Variants in RIMBP2 observed in about 807,000 individuals in gnomAD.
RIMBP2 encodes RIMS binding protein 2.
RIMBP2 carries 48 observed loss-of-function variants against 118.6 expected under a neutral mutation model. The observed-to-expected ratio is 0.40, with a 90% confidence interval of 0.32 to 0.51. The LOEUF is 0.51. Among genes scored for constraint, RIMBP2 ranks in the 20% least tolerant of loss-of-function variants. The pLI is 0.41. For synonymous variants in RIMBP2, 762 were observed against 742.9 expected (o/e 1.03, Z -0.42); for missense variants, 1,551 against 1,768.3 (o/e 0.88, Z 2.20).
intron 6 of RIMBP2, among the ~76,000 whole-genome samples, chr12:130,459,492 A>G (rs2079783169): frequency 6.6e-6 from 1 of 152,158 alleles, no homozygotes; most frequent in African/African-American, 2.4e-5. Context: ...TTACTTCAAA[A>G]TAAAGTTTTC....
In RIMBP2 at chr12:130,646,335, C is replaced by T. The variant is rs374365289; in HGVS notation, c.-351-17879G>A. Among the ~76,000 whole-genome samples the T allele has an allele frequency of 3.1e-4, 35 of 111,468 alleles. 10 individuals are homozygous for T. Among genetic ancestry groups the T allele is most frequent in the African/African-American group, 4.8e-4 (14 of 29,268 alleles). 73.1% of individuals were successfully genotyped at this position (111,468 alleles called of 152,430 possible). On this transcript the variant is annotated intron_variant, in intron 1 of 22. Transcript: ENST00000690449. ...ACCACTTCCCTCTCCACCTGCCTCA[C>T]CACCTCCCTCACCACCTCCCTCACC...
chr12:130,538,987 C>G lies in RIMBP2; in HGVS notation c.-216-21070G>C, dbSNP rs551739290. Reference sequence around the variant, plus strand: ...GTAAAACTGCAGGGCATGTCCACGGCTCTGCAGAGCTCCTGGGGCTGTCGA... The same window carrying G: ...GTAAAACTGCAGGGCATGTCCACGGGTCTGCAGAGCTCCTGGGGCTGTCGA... On this transcript the variant is annotated intron_variant, in intron 2 of 22. Coordinates refer to ENST00000690449, the MANE Select transcript of RIMBP2 (RefSeq NM_001393629.1). Among the ~76,000 whole-genome samples the G allele has an allele frequency of 9.9e-5, 15 of 152,278 alleles. No homozygotes were observed. In the South Asian group the frequency reaches 2.9e-3, roughly 29 times the overall value.
In RIMBP2 at chr12:130,423,753, G is replaced by GA. The variant is rs201784253; in HGVS notation, c.3129+388dup. On this transcript the variant is annotated intron_variant, in intron 16 of 22. Transcript: ENST00000690449. ...ATGAAAAAAACTCCAAAATAACAAG[G>GA]AAAAAAAACCCTCGACAATACTAGT... Among the ~76,000 whole-genome samples the GA allele has an allele frequency of 2.8e-3, 384 of 139,314 alleles. 1 individual carries two copies. The highest frequency in any genetic ancestry group is 9.4e-3 in the African/African-American group (346 of 36,902). 91.4% of individuals were successfully genotyped at this position (139,314 alleles called of 152,430 possible). A position where few individuals can be genotyped will look rare whatever the true frequency, so the allele number is the denominator to read the frequency against.
chr12:130,692,847 G>GGGATA (rs1316355134), intron 1 of RIMBP2, among the ~76,000 whole-genome samples: 12 of 104,626 alleles, frequency 1.1e-4, no homozygotes, highest in Non-Finnish European at 2.2e-4. Flanking sequence ...GGGATGGGAT[G>GGGATA]GGATAGGGTA....
At chr12:130,487,154 T>G (rs1748816978) in intron 4 of RIMBP2, among the ~76,000 whole-genome samples, 1 of 152,176 alleles carries the variant, frequency 6.6e-6, no homozygotes, top group African/African-American at 2.4e-5. Flanking sequence ...CATCCCCAAC[T>G]CCAGGTCTTA....
chr12:130,703,972 G>A lies in RIMBP2; in HGVS notation c.-352+12250C>T, dbSNP rs2065980675. ...ACACACCACCTTCCTGCTACTTTAG[G>A]GACATCAGCAAAGTCTCCCTTAAAT... On this transcript the variant is annotated intron_variant, in intron 1 of 22. Coordinates refer to ENST00000690449, the MANE Select transcript of RIMBP2 (RefSeq NM_001393629.1). The surrounding 1 kb of genome is among the most constrained non-coding windows in gnomAD (Gnocchi z 5.7). 1.3e-5 allele frequency among the ~76,000 whole-genome samples: 2 copies of A among 152,032 alleles called. No individual in the cohort carries two copies. The highest frequency in any genetic ancestry group is 4.8e-5 in the African/African-American group (2 of 41,402).
chr12:130,712,941 G>A (rs1387600279), intron 1 of RIMBP2, among the ~76,000 whole-genome samples: 2 of 152,044 alleles, frequency 1.3e-5, no homozygotes, highest in Non-Finnish European at 1.5e-5. Flanking sequence ...TATGCAGGGC[G>A]TCATCTGGGA....
At position 130,688,853 on chromosome 12, in the gene RIMBP2, C is replaced by T. The variant is rs554509893; in HGVS notation, c.-352+27369G>A. Among the ~76,000 whole-genome samples, 2 of 152,374 alleles carry T rather than the reference C, an allele frequency of 1.3e-5. No individual in the cohort carries two copies. Among genetic ancestry groups the T allele is most frequent in the East Asian group, 3.9e-4 (2 of 5,182 alleles). ...CGAACCAAGTCTAAACTCTGCAAAA[C>T]GCTGGCTGAAACGTGGGCCTCACGT... On this transcript the variant is annotated intron_variant, in intron 1 of 22. Coordinates refer to ENST00000690449, the MANE Select transcript of RIMBP2 (RefSeq NM_001393629.1). The surrounding 1 kb of genome is among the most constrained non-coding windows in gnomAD (Gnocchi z 4.7).
At chr12:130,629,974 T>TAAAAA (rs33932481) in intron 1 of RIMBP2, among the ~76,000 whole-genome samples, 2 of 104,510 alleles carry the variant, frequency 1.9e-5, no homozygotes, top group African/African-American at 3.6e-5. Context: ...AATCAAGCTT[T>TAAAAA]AAAAAAAAAA....
In RIMBP2 at chr12:130,665,490, G is replaced by A. The variant is rs1056335858; in HGVS notation, c.-351-37034C>T. Among the ~76,000 whole-genome samples the A allele has an allele frequency of 1.6e-4, 24 of 151,000 alleles. 1 individual carries two copies. In the South Asian group the frequency reaches 3.1e-3, roughly 20 times the overall value. ...AATTGAGCTGAGATCGTACCACAGC[G>A]AGCCGAGATCACGCCACTGCACTCC... is the stretch of plus-strand genomic sequence containing the variant. On this transcript the variant is annotated intron_variant, in intron 1 of 22. Transcript: ENST00000690449.
chr12:130,644,423 C>T lies in RIMBP2; in HGVS notation c.-351-15967G>A, dbSNP rs560328502. On this transcript the variant is annotated intron_variant, in intron 1 of 22. Transcript: ENST00000690449. ...ACGCCTGCTGCATTTAAAATACAAT[C>T]GCACATCGATCTGGACTCTACCTGT... is the stretch of plus-strand genomic sequence containing the variant. 6.6e-5 allele frequency among the ~76,000 whole-genome samples: 10 copies of T among 152,338 alleles called. No homozygotes were observed. In the South Asian group the frequency reaches 8.3e-4, roughly 13 times the overall value.
intron 1 of RIMBP2, among the ~76,000 whole-genome samples, chr12:130,694,615 G>A (rs371576124): frequency 6.6e-5 from 10 of 152,220 alleles, no homozygotes; most frequent in South Asian, 4.2e-4. Flanking sequence ...CGGCCCTCCC[G>A]TAGAGAATTC....
At chr12:130,532,738 C>T (rs1206756845) in intron 2 of RIMBP2, among the ~76,000 whole-genome samples, 1 of 132,314 alleles carries the variant, frequency 7.6e-6, no homozygotes, top group Non-Finnish European at 1.6e-5. Context: ...TGTGTTCAGC[C>T]TCTAGGAGTT....
chr12:130,546,022 C>T (rs961809922), intron 2 of RIMBP2, among the ~76,000 whole-genome samples: 2 of 151,092 alleles, frequency 1.3e-5, no homozygotes, highest in African/African-American at 4.9e-5. Context: ...TGGGTTTTAG[C>T]GTGACATATG....
chr12:130,644,363 C>G (rs1461871182), intron 1 of RIMBP2, among the ~76,000 whole-genome samples: 1 of 152,178 alleles, frequency 6.6e-6, no homozygotes, highest in Non-Finnish European at 1.5e-5. Flanking sequence ...ACACGTGTCA[C>G]CTTGGTTAAG....
At chr12:130,671,442 ACTGT>A (rs1433678258) in intron 1 of RIMBP2, among the ~76,000 whole-genome samples, 2 of 152,136 alleles carry the variant, frequency 1.3e-5, no homozygotes, top group Non-Finnish European at 2.9e-5. Flanking sequence ...CTCATTATTG[ACTGT>A]CTGCCTCCTC....
intron 2 of RIMBP2, among the ~76,000 whole-genome samples, chr12:130,538,748 C>A (rs1033963185): frequency 2.6e-5 from 4 of 152,196 alleles, no homozygotes; most frequent in African/African-American, 9.7e-5. Context: ...GAACCAAATA[C>A]AGCCTGCTTC....
chr12:130,511,097 C>T lies in RIMBP2; in HGVS notation c.-126-4327G>A, dbSNP rs549999576. Among the ~76,000 whole-genome samples the T allele has an allele frequency of 1.2e-4, 18 of 152,178 alleles. No homozygotes were observed. The highest frequency in any genetic ancestry group is 2.1e-4 in the Non-Finnish European group (14 of 68,020). ...GAGCATCCTGAGAGTGGGAGAGCAC[C>T]GGGGTTATCCAGATGGGCTCTACGT... On this transcript the variant is annotated intron_variant, in intron 3 of 22. Coordinates refer to ENST00000690449, the MANE Select transcript of RIMBP2 (RefSeq NM_001393629.1). This position sits in a 1 kb window ranked among gnomAD's most constrained non-coding sequence, Gnocchi z 4.3.
Position 130,434,919 on chromosome 12 carries a change from C to T in RIMBP2, c.2107-39G>A, listed in dbSNP as rs1307416470. On this transcript the variant is annotated intron_variant, in intron 13 of 22. Coordinates refer to ENST00000690449, the MANE Select transcript of RIMBP2 (RefSeq NM_001393629.1). This position sits in a 1 kb window ranked among gnomAD's most constrained non-coding sequence, Gnocchi z 5.7. ...AGGAGGCACACGGGTGAGGCAGGGC[C>T]ACCTTCAGCTACGCTCAGCCCCACC... The T allele has an allele frequency of 1.3e-6, 2 of 1,572,068 alleles. No homozygotes were observed. The highest frequency in any genetic ancestry group is 1.4e-5 in the African/African-American group (1 of 73,646).
Sources: gnomAD v4.1 joint callset for allele counts (sites outside exome capture counted in the v4.1 genomes callset) on GRCh38, gnomAD v4.1.1 for gene constraint, Gnocchi (gnomAD v3.1) non-coding constraint, MANE v1.5 for transcripts, NCBI Gene and HGNC (gene_info 2026-07-23, HGNC 2026-07-21) for gene names.